The following NRXN3 variants were observed in gnomAD, a reference collection of about 807,000 sequenced individuals.
NRXN3 encodes neurexin 3.
In NRXN3, 32 loss-of-function variants were observed where a neutral mutation model predicts 137.6. The ratio of observed to expected loss-of-function variants is 0.23; its 90% confidence interval spans 0.18 to 0.31. NRXN3 has a LOEUF of 0.31. Among genes scored for constraint, NRXN3 ranks in the 10% least tolerant of loss-of-function variants. The pLI is 1.00. For synonymous variants in NRXN3, 798 were observed against 784.5 expected (o/e 1.02, Z -0.29); for missense variants, 1,574 against 2,062.5 (o/e 0.76, Z 4.59).
At chr14:78,312,299 C>T (rs1371988899) in intron 4 of NRXN3, among the ~76,000 whole-genome samples, 1 of 152,176 alleles carries the variant, frequency 6.6e-6, no homozygotes, top group African/African-American at 2.4e-5. Flanking sequence ...ATGCTTTGTA[C>T]CACTTACACA....
intron 15 of NRXN3, among the ~76,000 whole-genome samples, chr14:79,307,542 C>T (rs573231025): frequency 6.6e-6 from 1 of 152,086 alleles, no homozygotes; most frequent in Non-Finnish European, 1.5e-5. Flanking sequence ...TAGCTGGGCT[C>T]AGGGTCTCTT....
chr14:78,739,877 T>G, intron 8 of NRXN3, among the ~76,000 whole-genome samples: 1 of 152,180 alleles, frequency 6.6e-6, no homozygotes, highest in East Asian at 1.9e-4. Flanking sequence ...GGTAGGGGCC[T>G]ACTTTCTCTC....
intron 16 of NRXN3, among the ~76,000 whole-genome samples, chr14:79,544,690 G>C (rs1043840308): frequency 1.3e-5 from 2 of 152,220 alleles, no homozygotes; most frequent in African/African-American, 4.8e-5. Context: ...GTACTAAGGA[G>C]CGAAGAGCCT....
Position 78,645,117 on chromosome 14 carries a change from T to C in NRXN3, c.758-3T>C. 6.5e-7 allele frequency: 1 copy of C among 1,542,450 alleles called. No homozygotes were observed. Among genetic ancestry groups the C allele is most frequent in the Non-Finnish European group, 8.7e-7 (1 of 1,149,100 alleles). ...ATTGCTTTCCTCTTTTCTTTTCCTATAGCTCGAGAGGAGAATGTGGCCACT... is the reference window on the plus strand; with the variant it reads ...ATTGCTTTCCTCTTTTCTTTTCCTACAGCTCGAGAGGAGAATGTGGCCACT... On this transcript the variant is annotated splice_region_variant and splice_polypyrimidine_tract_variant and intron_variant, in intron 4 of 20. Transcript: ENST00000335750.
At chr14:78,828,920 C>T (rs1189972558) in intron 10 of NRXN3, among the ~76,000 whole-genome samples, 1 of 152,074 alleles carries the variant, frequency 6.6e-6, no homozygotes, top group Non-Finnish European at 1.5e-5. Context: ...GGAAGTATAA[C>T]TTTAGATAAA....
At chr14:78,533,871 T>A (rs1388156987) in intron 4 of NRXN3, among the ~76,000 whole-genome samples, 1 of 152,120 alleles carries the variant, frequency 6.6e-6, no homozygotes, top group African/African-American at 2.4e-5. Flanking sequence ...TGTTTTTGTA[T>A]TTTTTTTCCT....
At chr14:79,376,246 A>G (rs1032098036) in intron 15 of NRXN3, among the ~76,000 whole-genome samples, 2 of 92,160 alleles carry the variant, frequency 2.2e-5, no homozygotes, top group African/African-American at 7.4e-5. Flanking sequence ...ATATATATAT[A>G]TATATATATA....
At chr14:78,356,158 C>T (rs1001488016) in intron 4 of NRXN3, among the ~76,000 whole-genome samples, 3 of 152,198 alleles carry the variant, frequency 2.0e-5, no homozygotes, top group Admixed American at 6.5e-5. Context: ...GGTTGGCCCT[C>T]TCTCTTCTCT....
intron 4 of NRXN3, among the ~76,000 whole-genome samples, chr14:78,396,250 A>G (rs72681525): frequency 0.29 from 43,640 of 151,922 alleles, 7,786 homozygotes; most frequent in Non-Finnish European, 0.38. Flanking sequence ...GGAAACCTTT[A>G]TGTAATCCTC....
chr14:78,371,816 C>T (rs1219007304), intron 4 of NRXN3, among the ~76,000 whole-genome samples: 2 of 152,208 alleles, frequency 1.3e-5, no homozygotes, highest in African/African-American at 4.8e-5. Flanking sequence ...ACTATTCTGT[C>T]TCATTTGTAT....
chr14:78,518,976 C>T (rs760211039), intron 4 of NRXN3, among the ~76,000 whole-genome samples: 19 of 152,090 alleles, frequency 1.2e-4, no homozygotes, highest in Admixed American at 1.3e-4. Flanking sequence ...TGTCACTCTT[C>T]TTCAAAGAGT....
chr14:78,722,985 A>G (rs888086822), intron 8 of NRXN3, among the ~76,000 whole-genome samples: 3 of 152,202 alleles, frequency 2.0e-5, no homozygotes, highest in South Asian at 2.1e-4. Flanking sequence ...GGTGACTTCA[A>G]TAAACAGTAA....
intron 9 of NRXN3, 140 bp from the exon 10 acceptor site, chr14:78,810,178 G>T: frequency 3.2e-6 from 2 of 616,800 alleles, no homozygotes; most frequent in East Asian, 3.1e-5. Context: ...CCTTAAACTT[G>T]TACATACTTT....
chr14:79,466,372 G>C (rs948108326), intron 15 of NRXN3, among the ~76,000 whole-genome samples: 1 of 152,152 alleles, frequency 6.6e-6, no homozygotes, highest in South Asian at 2.1e-4. Context: ...CAGATCACAA[G>C]GTCAGGAGAT....
chr14:78,658,690 G>T (rs932230022), intron 6 of NRXN3, among the ~76,000 whole-genome samples: 1 of 152,206 alleles, frequency 6.6e-6, no homozygotes, highest in Non-Finnish European at 1.5e-5. Context: ...CTACTGTAGA[G>T]ACCTTCTTGT....
chr14:78,837,812 C>T (rs1315343965), intron 10 of NRXN3, among the ~76,000 whole-genome samples: 1 of 152,168 alleles, frequency 6.6e-6, no homozygotes, highest in Non-Finnish European at 1.5e-5. Context: ...TGCCACATTA[C>T]AGTGTTCCAG....
rs183587791 is a variant in NRXN3, at chr14:79,367,589, G to C, written c.3263-99632G>C. 5.8e-4 allele frequency among the ~76,000 whole-genome samples: 89 copies of C among 152,178 alleles called. 1 individual carries two copies. Among genetic ancestry groups the C allele is most frequent in the African/African-American group, 2.0e-3 (85 of 41,520 alleles). ...AAGGAAAATGAGAGAAAAGAAGAAAGAATAAGAACTAATGTTAATTCATGT... is the reference window on the plus strand; with the variant it reads ...AAGGAAAATGAGAGAAAAGAAGAAACAATAAGAACTAATGTTAATTCATGT... On this transcript the variant is annotated intron_variant, in intron 15 of 20. Coordinates refer to ENST00000335750, the MANE Select transcript of NRXN3 (RefSeq NM_001330195.2).
At chr14:79,138,760 A>G (rs2058504724) in intron 15 of NRXN3, among the ~76,000 whole-genome samples, 1 of 152,244 alleles carries the variant, frequency 6.6e-6, no homozygotes, top group Non-Finnish European at 1.5e-5. Flanking sequence ...TTCTTGATAT[A>G]TGAAGATGAT....
rs1182252169 is a variant in NRXN3, at chr14:78,778,756, TTCTCTTTCTTTCTTTC to T, written c.2045-24862_2045-24847del. Among the ~76,000 whole-genome samples the T allele has an allele frequency of 3.7e-4, 43 of 116,764 alleles. 1 individual carries two copies. The highest frequency in any genetic ancestry group is 1.3e-3 in the African/African-American group (37 of 28,852). 76.6% of individuals were successfully genotyped at this position (116,764 alleles called of 152,430 possible). On this transcript the variant is annotated intron_variant, in intron 8 of 20. Coordinates refer to ENST00000335750, the MANE Select transcript of NRXN3 (RefSeq NM_001330195.2). Reference sequence around the variant, plus strand: ...TCTCTCTCTTTCTTTCTTTCCTTCTTTCTCTTTCTTTCTTTCTTTCTTTCTTTCTTTCTTTCTTTCT... The same window carrying T: ...TCTCTCTCTTTCTTTCTTTCCTTCTTTTTCTTTCTTTCTTTCTTTCTTTCT...
Sources: gnomAD v4.1 joint callset for allele counts (sites outside exome capture counted in the v4.1 genomes callset) on GRCh38, gnomAD v4.1.1 for gene constraint, MANE v1.5 for transcripts, NCBI Gene and HGNC (gene_info 2026-07-23, HGNC 2026-07-21) for gene names.